MYO1H: variants seen among roughly 807,000 people sequenced by gnomAD.
MYO1H encodes the protein unconventional myosin-Ih.
Under a neutral mutation model 149.3 loss-of-function variants are expected in MYO1H, and 118 were observed. That is an observed-to-expected ratio of 0.79 (90% CI 0.68 to 0.92). The LOEUF is 0.92. MYO1H is among the 40% of genes least tolerant of loss of function. The pLI, the probability that MYO1H is intolerant of heterozygous loss-of-function variation, is 0.00. For missense variants in MYO1H, 1,212 were observed against 1,280.7 expected (o/e 0.95, Z 0.82); for synonymous variants, 447 against 465.2 (o/e 0.96, Z 0.50).
intron 15 of MYO1H, among the ~76,000 whole-genome samples, chr12:109,418,268 T>G (rs951127427): frequency 6.6e-6 from 1 of 152,120 alleles, no homozygotes; most frequent in Non-Finnish European, 1.5e-5. Context: ...AGCACAGAAG[T>G]TTTTAGTTTT....
At chr12:109,360,440 TTCTCTG>T (rs769218034) in intron 1 of MYO1H, among the ~76,000 whole-genome samples, 8 of 152,310 alleles carry the variant, frequency 5.3e-5, no homozygotes, top group East Asian at 3.9e-4. Context: ...CCCATCTCTC[TTCTCTG>T]TCTCTGTCTC....
At chr12:109,438,086 TA>T (rs58487735) in intron 22 of MYO1H, among the ~76,000 whole-genome samples, 120 of 96,900 alleles carry the variant, frequency 1.2e-3, no homozygotes, top group South Asian at 1.5e-3. Flanking sequence ...AGGCTCTGTC[TA>T]AAAAAAAAAA....
At chr12:109,349,121 T>C (rs575477169) in intron 1 of MYO1H, among the ~76,000 whole-genome samples, 4 of 152,228 alleles carry the variant, frequency 2.6e-5, no homozygotes, top group Non-Finnish European at 4.4e-5. Flanking sequence ...ATTTAGTTGA[T>C]GGACAGAGAG....
At chr12:109,324,674 C>G in the MYO1H span, among the ~76,000 whole-genome samples, 1 of 151,364 alleles carries the variant, frequency 6.6e-6, no homozygotes, top group Non-Finnish European at 1.5e-5. Context: ...AAGAAAGTCT[C>G]AGTTCTCATT....
intron 1 of MYO1H, among the ~76,000 whole-genome samples, chr12:109,369,218 C>T (rs1868932114): frequency 6.6e-6 from 1 of 152,152 alleles, no homozygotes; most frequent in African/African-American, 2.4e-5. Context: ...AAACTCCTGA[C>T]CTCAGGTGAT....
intron 1 of MYO1H, chr12:109,354,491 G>A (rs531052739): frequency 1.6e-4 from 25 of 152,070 alleles, no homozygotes; most frequent in Non-Finnish European, 3.2e-4. Flanking sequence ...GTGGTGGCAC[G>A]CGCCTGTAGT....
chr12:109,405,780 G>T, intron 7 of MYO1H, 142 bp from the exon 8 acceptor site: 1 of 658,182 alleles, frequency 1.5e-6, no homozygotes, highest in Non-Finnish European at 2.7e-6. Flanking sequence ...AGGAGGGCTT[G>T]GTTCTGTGGG....
At chr12:109,416,660 T>G (rs146261535) in intron 15 of MYO1H, among the ~76,000 whole-genome samples, 26 of 152,118 alleles carry the variant, frequency 1.7e-4, no homozygotes, top group Non-Finnish European at 3.2e-4. Flanking sequence ...TCATTTTTCT[T>G]ATATATATAC....
chr12:109,403,564 C>T (rs1870253995), intron 6 of MYO1H, among the ~76,000 whole-genome samples: 1 of 152,190 alleles, frequency 6.6e-6, no homozygotes, highest in Non-Finnish European at 1.5e-5. Context: ...CTTCTTTCAT[C>T]TAGTCCTGCA....
intron 4 of MYO1H, 116 bp downstream of exon 4, chr12:109,396,698 C>A: frequency 1.2e-6 from 1 of 821,254 alleles, no homozygotes; most frequent in Non-Finnish European, 1.8e-6. Context: ...AAAGAGGTCA[C>A]ACAGATAGTG....
chr12:109,415,752 T>C lies in MYO1H; in HGVS notation c.1597+132T>C, dbSNP rs1592804934. The C allele has an allele frequency of 1.2e-5, 6 of 506,806 alleles. No homozygotes were observed. In the East Asian group the frequency reaches 1.9e-4, roughly 16 times the overall value. 31.4% of individuals were successfully genotyped at this position (506,806 alleles called of 1,614,324 possible). On this transcript the variant is annotated intron_variant, in intron 15 of 31. Coordinates refer to ENST00000310903, the Ensembl canonical transcript of MYO1H. The stretch of plus-strand genomic sequence containing the variant: ...TCCCTAACCTCGCGTTCAAGCCATT[T>C]GAAAAAGTCTTTCTAATTGTATTTA...
chr12:109,446,489 C>T (rs1040548244), intron 31 of MYO1H: 15 of 984,908 alleles, frequency 1.5e-5, no homozygotes, highest in African/African-American at 7.0e-5. Flanking sequence ...GCAGGCCCGG[C>T]GCGGTGGCTC....
intron 8 of MYO1H, 45 bp downstream of exon 8, chr12:109,406,080 G>A (rs1192774802): frequency 1.4e-6 from 2 of 1,406,006 alleles, no homozygotes; most frequent in Non-Finnish European, 2.0e-6. Context: ...GGGATGGGTG[G>A]GAGAGAAGAG....
chr12:109,431,828 C>A (rs1157463945), intron 19 of MYO1H, among the ~76,000 whole-genome samples: 1 of 151,908 alleles, frequency 6.6e-6, no homozygotes, highest in African/African-American at 2.4e-5. Flanking sequence ...AAGCATGGAA[C>A]CCTTTCTTTC....
Position 109,425,928 on chromosome 12 carries a change from T to TTCTC in MYO1H, c.1726-8_1726-5dup. The TTCTC allele has an allele frequency of 7.1e-7, 1 of 1,404,268 alleles. No homozygotes were observed. Among genetic ancestry groups the TTCTC allele is most frequent in the Middle Eastern group, 1.8e-4 (1 of 5,462 alleles). 87.0% of individuals were successfully genotyped at this position (1,404,268 alleles called of 1,614,324 possible). ...TCTCTCTGGCTCGTTCTCTCTCTCT[T>TTCTC]TCTCTCTCTCTCTGCAGGTGGGGAC... On this transcript the variant is annotated splice_polypyrimidine_tract_variant and intron_variant, in intron 17 of 31. Transcript: ENST00000310903.
At chr12:109,406,954 C>A (rs1449080463) in intron 9 of MYO1H, 94 bp downstream of exon 9, 3 of 1,116,404 alleles carry the variant, frequency 2.7e-6, no homozygotes, top group African/African-American at 1.5e-5. Flanking sequence ...GGAGGCCAAA[C>A]CTTTGATCCT....
At chr12:109,440,945 C>A in intron 25 of MYO1H, 118 bp downstream of exon 25, 1 of 736,858 alleles carries the variant, frequency 1.4e-6, no homozygotes, top group Non-Finnish European at 2.3e-6. Flanking sequence ...TAGTCCCATG[C>A]TTTGAAATGT....
chr12:109,382,223 C>T (rs1306506750), intron 1 of MYO1H, among the ~76,000 whole-genome samples: 1 of 152,092 alleles, frequency 6.6e-6, no homozygotes, highest in African/African-American at 2.4e-5. Flanking sequence ...TTGCCAAAAC[C>T]AATCAATCTT....
In MYO1H at chr12:109,410,671, C is replaced by T. The variant is rs375340948; in HGVS notation, c.1330-17C>T. The T allele has an allele frequency of 1.0e-4, 158 of 1,562,106 alleles. No homozygotes were observed. In the African/African-American group the frequency reaches 1.7e-3, roughly 17 times the overall value. ...CTAAATATTTCTTGGAGAATTCATT[C>T]CTCTTTGTCATTTTAGTGGGAGCCA... On this transcript the variant is annotated splice_polypyrimidine_tract_variant and intron_variant, in intron 12 of 31. Coordinates refer to ENST00000310903, the Ensembl canonical transcript of MYO1H.
Sources: gnomAD v4.1 joint callset for allele counts (sites outside exome capture counted in the v4.1 genomes callset) on GRCh38, gnomAD v4.1.1 for gene constraint, MANE v1.5 for transcripts, NCBI Gene and HGNC (gene_info 2026-07-23, HGNC 2026-07-21) for gene names.